The following DCLK1 variants were observed in gnomAD, a reference collection of about 807,000 sequenced individuals.
DCLK1 encodes the protein serine/threonine-protein kinase DCLK1.
A neutral mutation model predicts 86.2 loss-of-function variants in DCLK1; 16 were observed. The observed-to-expected ratio is 0.19, with a 90% CI of 0.13 to 0.28. The LOEUF is 0.28. Ranked by LOEUF, DCLK1 falls within the 10% of genes least tolerant of loss-of-function variation. The pLI, the probability that DCLK1 is intolerant of heterozygous loss-of-function variation, is 1.00. For missense variants in DCLK1, 590 were observed against 940.2 expected, an observed-to-expected ratio of 0.63 and a Z score of 4.87; for synonymous variants, 369 against 370.5, an observed-to-expected ratio of 1.00 and a Z score of 0.05.
At chr13:36,080,603 T>G (rs1196050445) in intron 3 of DCLK1, among the ~76,000 whole-genome samples, 2 of 152,208 alleles carry the variant, frequency 1.3e-5, no homozygotes, top group Non-Finnish European at 2.9e-5. Context: ...TCCCGAAATA[T>G]TCTATGTAAA....
chr13:35,989,856 A>G (rs1880142460), intron 3 of DCLK1, among the ~76,000 whole-genome samples: 2 of 152,220 alleles, frequency 1.3e-5, no homozygotes, highest in Admixed American at 1.3e-4. Context: ...CCAGCAAAAC[A>G]TCACCTTTAT....
chr13:35,871,243 G>A lies in DCLK1; in HGVS notation c.921C>T (p.Ser307=), dbSNP rs748309897. 1.9e-6 allele frequency: 3 copies of A among 1,613,560 alleles called. No homozygotes were observed. The highest frequency in any genetic ancestry group is 1.7e-5 in the Admixed American group (1 of 59,954). The part of the protein sequence containing the change: ...KSPGPSRRSK[S]PASTSSVNGT... Reference sequence around the variant, plus strand: ...CTTTACCTGAGCTGGTGGAGGCAGGGGACTTGCTACGCCTGGACGGTCCTG... The same window carrying A: ...CTTTACCTGAGCTGGTGGAGGCAGGAGACTTGCTACGCCTGGACGGTCCTG... Residue 307 remains serine, a synonymous_variant, in exon 5 of 17, where the codon TCC becomes TCT. Coordinates refer to ENST00000360631, the MANE Select transcript of DCLK1 (RefSeq NM_001330071.2).
At chr13:35,822,392 T>C (rs1046887849) in intron 11 of DCLK1, among the ~76,000 whole-genome samples, 5 of 152,206 alleles carry the variant, frequency 3.3e-5, no homozygotes, top group African/African-American at 1.2e-4. Flanking sequence ...AAAAACTTTC[T>C]AACATAAAAG....
At chr13:36,017,837 G>T (rs1362980787) in intron 3 of DCLK1, among the ~76,000 whole-genome samples, 1 of 152,052 alleles carries the variant, frequency 6.6e-6, no homozygotes, top group Non-Finnish European at 1.5e-5. Context: ...ACACATGCAT[G>T]CACAGACTGC....
chr13:35,839,544 A>C (rs1473527820), intron 6 of DCLK1, among the ~76,000 whole-genome samples: 1 of 152,194 alleles, frequency 6.6e-6, no homozygotes, highest in Non-Finnish European at 1.5e-5. Flanking sequence ...ATGTGGCACT[A>C]TACTGATCCC....
chr13:36,015,528 T>C (rs1881505781), intron 3 of DCLK1, among the ~76,000 whole-genome samples: 1 of 152,214 alleles, frequency 6.6e-6, no homozygotes, highest in East Asian at 1.9e-4. Flanking sequence ...TTGGACTAGA[T>C]GGAACTTAAG....
At chr13:35,822,374 T>C (rs968395645) in intron 11 of DCLK1, among the ~76,000 whole-genome samples, 3 of 152,142 alleles carry the variant, frequency 2.0e-5, no homozygotes, top group African/African-American at 7.2e-5. Context: ...TTGCCCCAAC[T>C]GGCAAGTAAA....
intron 7 of DCLK1, among the ~76,000 whole-genome samples, chr13:35,837,132 G>A (rs1593645160): frequency 1.3e-5 from 2 of 152,322 alleles, no homozygotes; most frequent in Middle Eastern, 6.8e-3. Flanking sequence ...ACTTTAGGTG[G>A]TGAATGGGCT....
intron 4 of DCLK1, among the ~76,000 whole-genome samples, chr13:35,928,017 C>T (rs754768653): frequency 9.9e-5 from 15 of 152,206 alleles, no homozygotes; most frequent in Non-Finnish European, 1.8e-4. Context: ...CCCTGTCTGT[C>T]GCTTCAACTG....
rs565773678 is a variant in DCLK1 at position 36,059,845 on chromosome 13, C to T, written c.723+52024G>A. On this transcript the variant is annotated intron_variant, in intron 3 of 16. Transcript: ENST00000360631. Reference sequence around the variant, plus strand: ...TATTAGTATATCATGTTTTTCATAACAAAGATGACTTCACTTAAATCTCTT... The same window carrying T: ...TATTAGTATATCATGTTTTTCATAATAAAGATGACTTCACTTAAATCTCTT... Among the ~76,000 whole-genome samples the T allele has an allele frequency of 1.5e-4, 23 of 151,052 alleles. No individual in the cohort carries two copies. The South Asian group carries it at 4.8e-3, about 32-fold the overall frequency.
intron 6 of DCLK1, chr13:35,846,910 A>T (rs1019352208): frequency 3.0e-6 from 3 of 985,210 alleles, no homozygotes; most frequent in Admixed American, 6.2e-5. Flanking sequence ...AACATACAGA[A>T]TCGCCTTACA....
At chr13:36,091,622 T>G (rs1453904796) in intron 3 of DCLK1, among the ~76,000 whole-genome samples, 1 of 152,188 alleles carries the variant, frequency 6.6e-6, no homozygotes, top group African/African-American at 2.4e-5. Context: ...TCCAGAAAAT[T>G]TATTTCAGTC....
chr13:35,948,813 C>T (rs1014713714), intron 3 of DCLK1, among the ~76,000 whole-genome samples: 1 of 152,148 alleles, frequency 6.6e-6, no homozygotes, highest in African/African-American at 2.4e-5. Context: ...AAGAGGGAGG[C>T]TGTAATCACT....
intron 4 of DCLK1, among the ~76,000 whole-genome samples, chr13:35,881,270 C>T (rs1242393640): frequency 1.3e-5 from 2 of 152,170 alleles, no homozygotes; most frequent in Non-Finnish European, 2.9e-5. Flanking sequence ...TAATAAGTGA[C>T]AGCATCCCTA....
intron 3 of DCLK1, among the ~76,000 whole-genome samples, chr13:36,094,304 G>T (rs7332079): frequency 0.042 from 6,452 of 152,108 alleles, 160 homozygotes; most frequent in African/African-American, 0.074. Context: ...ACCTTAACGT[G>T]CTTTATAAAA....
At chr13:35,889,699 T>C (rs999186256) in intron 4 of DCLK1, among the ~76,000 whole-genome samples, 3 of 152,136 alleles carry the variant, frequency 2.0e-5, no homozygotes, top group African/African-American at 7.2e-5. Flanking sequence ...AGCTTTTGGG[T>C]CTCTGAGTCA....
At chr13:35,999,357 C>T (rs189329266) in intron 3 of DCLK1, among the ~76,000 whole-genome samples, 12 of 152,306 alleles carry the variant, frequency 7.9e-5, no homozygotes, top group Middle Eastern at 3.4e-3. Flanking sequence ...TGCCAGCCTG[C>T]CTGTTCCAGA....
intron 3 of DCLK1, among the ~76,000 whole-genome samples, chr13:36,054,422 A>G (rs1481139418): frequency 1.3e-5 from 2 of 152,172 alleles, no homozygotes; most frequent in Non-Finnish European, 1.5e-5. Flanking sequence ...CTAACTTTTT[A>G]GCTTGCAAAT....
At chr13:35,940,249 G>T in intron 4 of DCLK1, among the ~76,000 whole-genome samples, 1 of 148,008 alleles carries the variant, frequency 6.8e-6, no homozygotes, top group Non-Finnish European at 1.5e-5. Flanking sequence ...TTAGTATGAA[G>T]GGTCACATCT....
Sources: gnomAD v4.1 joint callset for allele counts (sites outside exome capture counted in the v4.1 genomes callset) on GRCh38, gnomAD v4.1.1 for gene constraint, MANE v1.5 for transcripts, NCBI Gene and HGNC (gene_info 2026-07-23, HGNC 2026-07-21) for gene names.